ADAMTS4: variants seen among roughly 807,000 people sequenced by gnomAD.
The protein encoded by ADAMTS4 is A disintegrin and metalloproteinase with thrombospondin motifs 4.
In ADAMTS4, 38 loss-of-function variants were observed where a neutral mutation model predicts 66.7. That is an observed-to-expected ratio of 0.57 (90% CI 0.44 to 0.75). The LOEUF is 0.75. Among genes scored for constraint, ADAMTS4 ranks in the 30% least tolerant of loss-of-function variants. The pLI is 0.00. For missense variants in ADAMTS4, 1,014 were observed against 1,116.7 expected (o/e 0.91, Z 1.31); for synonymous variants, 418 against 461.5 (o/e 0.91, Z 1.21).
At chr1:161,192,367 T>A in intron 7 of ADAMTS4, 127 bp from the exon 8 acceptor site, 1 of 787,708 alleles carries the variant, frequency 1.3e-6, no homozygotes, top group Non-Finnish European at 2.0e-6. Context: ...GTAGGGGATG[T>A]AGATGGGTGA....
intron 3 of ADAMTS4, 64 bp downstream of exon 3, chr1:161,196,107 G>A (rs1664822411): frequency 6.6e-7 from 1 of 1,522,950 alleles, no homozygotes; most frequent in Non-Finnish European, 8.8e-7. Context: ...ACACTGTGGT[G>A]AACTTGCTAC....
Position 161,189,494 on chromosome 1 carries a change from C to T in ADAMTS4, c.*1644G>A, listed in dbSNP as rs1225365465. The stretch of plus-strand genomic sequence containing the variant: ...ATGTTCTTGTCAATTGTATTTGTAG[C>T]CACGTGCTTACTATGTTTCCTTCCT... On this transcript the variant is annotated 3_prime_UTR_variant, in exon 9 of 9. Transcript: ENST00000367996. 1 of 152,158 alleles carries T rather than the reference C, an allele frequency of 6.6e-6. No individual in the cohort carries two copies. Among genetic ancestry groups the T allele is most frequent in the African/African-American group, 2.4e-5 (1 of 41,422 alleles). The allele number at this position is 152,158 out of a possible 1,614,324, so 9.4% of individuals were successfully genotyped here. A position where few individuals can be genotyped will look rare whatever the true frequency, so the allele number is the denominator to read the frequency against.
chr1:161,191,531 C>A lies in ADAMTS4; in HGVS notation c.2121G>T (p.Ala707=). The A allele has an allele frequency of 1.2e-6, 2 of 1,613,368 alleles. No individual in the cohort carries two copies. The highest frequency in any genetic ancestry group is 1.7e-6 in the Non-Finnish European group (2 of 1,179,570). Residue 707 remains alanine, a synonymous_variant, in exon 9 of 9, where the codon GCG becomes GCT. Transcript: ENST00000367996. ...GCCGGACAAGAATGTGGGTGGCCCC[C>A]GCGGGGATAGTGACCACATTGTTGT... ...YGYNNVVTIP[A]GATHILVRQQ...
chr1:161,195,427 G>A (rs1664786980), intron 4 of ADAMTS4, 38 bp downstream of exon 4: 1 of 1,559,290 alleles, frequency 6.4e-7, no homozygotes, highest in South Asian at 1.2e-5. Flanking sequence ...GACAGGAATT[G>A]AGTGCTACCC....
At chr1:161,195,441 G>A in intron 4 of ADAMTS4, 24 bp downstream of exon 4, 1 of 1,581,712 alleles carries the variant, frequency 6.3e-7, no homozygotes, top group Non-Finnish European at 8.6e-7. Context: ...GCTACCCAGG[G>A]AAAGGTAAGT....
In ADAMTS4 at chr1:161,188,416, T is replaced by TC. The variant is rs1313099474; in HGVS notation, c.*2721_*2722insG. ...CGCCCGGCTAATTTTTCAATCTTTTTTTTTTTTGGTAGAGATGGAATCTTT... is the reference window on the plus strand; with the variant it reads ...CGCCCGGCTAATTTTTCAATCTTTTTCTTTTTTTGGTAGAGATGGAATCTTT... On this transcript the variant is annotated 3_prime_UTR_variant, in exon 9 of 9. Transcript: ENST00000367996. 1 of 150,750 alleles carries TC rather than the reference T, an allele frequency of 6.6e-6. No individual in the cohort carries two copies. The highest frequency in any genetic ancestry group is 2.4e-5 in the African/African-American group (1 of 40,892). The allele number at this position is 150,750 out of a possible 1,614,324, so 9.3% of individuals were successfully genotyped here. A position where few individuals can be genotyped will look rare whatever the true frequency, so the allele number is the denominator to read the frequency against.
Position 161,194,328 on chromosome 1 carries a change from A to C in ADAMTS4, c.1262-107T>G, listed in dbSNP as rs1217008683. 3 of 1,027,046 alleles carry C rather than the reference A, an allele frequency of 2.9e-6. No individual in the cohort carries two copies. Among genetic ancestry groups the C allele is most frequent in the Non-Finnish European group, 4.3e-6 (3 of 702,116 alleles). The allele number at this position is 1,027,046 out of a possible 1,614,324, so 63.6% of individuals were successfully genotyped here. A position where few individuals can be genotyped will look rare whatever the true frequency, so the allele number is the denominator to read the frequency against. On this transcript the variant is annotated intron_variant, in intron 4 of 8. Transcript: ENST00000367996. The surrounding 1 kb of genome is among the most constrained non-coding windows in gnomAD (Gnocchi z 4.1). The stretch of plus-strand genomic sequence containing the variant: ...GGGGCCTGATGGAGCCTAGAAAAAC[A>C]ATCCTAGGACTATAAGAGGATTTAA...
At chr1:161,195,335 C>A in intron 4 of ADAMTS4, 130 bp downstream of exon 4, 1 of 948,388 alleles carries the variant, frequency 1.1e-6, no homozygotes. Context: ...TTTCTCACCC[C>A]TTCCCACACT....
intron 7 of ADAMTS4, among the ~76,000 whole-genome samples, chr1:161,192,722 G>A (rs976107066): frequency 3.3e-5 from 5 of 152,152 alleles, no homozygotes; most frequent in African/African-American, 9.7e-5. Flanking sequence ...AGGTTGGGGC[G>A]AAGGGAGCAA....
rs1664541059 is a variant in ADAMTS4, at chr1:161,186,354, C to A, written c.*4784G>T. 1 of 152,240 alleles carries A rather than the reference C, an allele frequency of 6.6e-6. No individual in the cohort carries two copies. The highest frequency in any genetic ancestry group is 2.4e-5 in the African/African-American group (1 of 41,450). 9.4% of individuals were successfully genotyped at this position (152,240 alleles called of 1,614,324 possible). ...GAGACCATTCCAGAAAAGGGTCAGG[C>A]CTTGCCTGGGATTGAGGGCTGAGAT... On this transcript the variant is annotated 3_prime_UTR_variant, in exon 9 of 9. Coordinates refer to ENST00000367996, the MANE Select transcript of ADAMTS4 (RefSeq NM_005099.6).
At position 161,193,853 on chromosome 1, in the gene ADAMTS4, G is replaced by A. The variant is rs1378524222; in HGVS notation, c.1549-27C>T. The A allele has an allele frequency of 6.3e-7, 1 of 1,580,486 alleles. No homozygotes were observed. Among genetic ancestry groups the A allele is most frequent in the Admixed American group, 1.7e-5 (1 of 57,398 alleles). Reference sequence around the variant, plus strand: ...TGCAAAGGCACAGAACGGAAGTGGGGCATAAGTGAACTCTCTCCTGGGCTT... The same window carrying A: ...TGCAAAGGCACAGAACGGAAGTGGGACATAAGTGAACTCTCTCCTGGGCTT... On this transcript the variant is annotated intron_variant, in intron 5 of 8. Transcript: ENST00000367996. The surrounding 1 kb of genome is among the most constrained non-coding windows in gnomAD (Gnocchi z 4.4).
Position 161,188,883 on chromosome 1 carries a change from AATATATATATAT to A in ADAMTS4, c.*2243_*2254del, listed in dbSNP as rs71777753. 20 of 68,322 alleles carry A rather than the reference AATATATATATAT, an allele frequency of 2.9e-4. No individual in the cohort carries two copies. The highest frequency in any genetic ancestry group is 2.7e-3 in the East Asian group (3 of 1,110). The allele number at this position is 68,322 out of a possible 1,614,324, so 4.2% of individuals were successfully genotyped here. On this transcript the variant is annotated 3_prime_UTR_variant, in exon 9 of 9. Transcript: ENST00000367996. ...TAGGCACCTGTCACCATGCCCGGCTAATATATATATATATATATATATATATTTTGTATTTTT... is the reference window on the plus strand; with the variant it reads ...TAGGCACCTGTCACCATGCCCGGCTAATATATATATATATTTTGTATTTTT...
intron 7 of ADAMTS4, among the ~76,000 whole-genome samples, chr1:161,192,694 C>T (rs1664711301): frequency 6.6e-6 from 1 of 152,104 alleles, no homozygotes; most frequent in African/African-American, 2.4e-5. Context: ...AGAGGGCAGC[C>T]AGCCTGTAGA....
chr1:161,193,324 G>A lies in ADAMTS4; in HGVS notation c.1800C>T (p.Phe600=). The A allele has an allele frequency of 1.2e-6, 2 of 1,614,046 alleles. No homozygotes were observed. The highest frequency in any genetic ancestry group is 1.7e-6 in the Non-Finnish European group (2 of 1,179,990). Residue 600 remains phenylalanine, a synonymous_variant, in exon 7 of 9, where the codon TTC becomes TTT. Coordinates refer to ENST00000367996, the MANE Select transcript of ADAMTS4 (RefSeq NM_005099.6). The surrounding 1 kb of genome is among the most constrained non-coding windows in gnomAD (Gnocchi z 4.4). ...YNHRTDLFKS[F]PGPMDWVPRY... is the part of the protein sequence containing the mutation. Reference sequence around the variant, plus strand: ...GAGGAACCCAGTCCATGGGCCCTGGGAAGCTCTTGAAGAGGTCGGTGCGGT... The same window carrying A: ...GAGGAACCCAGTCCATGGGCCCTGGAAAGCTCTTGAAGAGGTCGGTGCGGT...
In ADAMTS4 at chr1:161,188,161, G is replaced by A. The variant is rs1273216285; in HGVS notation, c.*2977C>T. The A allele has an allele frequency of 6.7e-6, 1 of 149,134 alleles. No individual in the cohort carries two copies. Among genetic ancestry groups the A allele is most frequent in the Non-Finnish European group, 1.5e-5 (1 of 67,534 alleles). The allele number at this position is 149,134 out of a possible 1,614,324, so 9.2% of individuals were successfully genotyped here. ...AGTAGAGATGGGGTTTCACCATGTT[G>A]GCCTGGCTGGTTTTGAACCTCAGCC... On this transcript the variant is annotated 3_prime_UTR_variant, in exon 9 of 9. Transcript: ENST00000367996.
intron 1 of ADAMTS4, 111 bp downstream of exon 1, chr1:161,197,884 A>G: frequency 6.9e-7 from 1 of 1,453,850 alleles, no homozygotes; most frequent in South Asian, 1.4e-5. Context: ...GGCAGAAGGG[A>G]GGGAAGCAGA....
chr1:161,191,269 G>A lies in ADAMTS4; in HGVS notation c.2383C>T (p.Arg795Cys), dbSNP rs781559105. Reference protein sequence around the residue: ...VLVAGNPQDTRLRYSFFVPRP... With the variant: ...VLVAGNPQDTCLRYSFFVPRP... ...GGCACGAAGAAGCTGTATCGGAGGC[G>A]TGTGTCCTGGGGGTTGCCAGCCACT... The change falls in exon 9 of 9, where the codon CGC becomes TGC. Residue 795 changes from arginine (R) to cysteine (C), a missense_variant. Coordinates refer to ENST00000367996, the MANE Select transcript of ADAMTS4 (RefSeq NM_005099.6). 70 of 1,613,712 alleles carry A rather than the reference G, an allele frequency of 4.3e-5. No individual in the cohort carries two copies. Among genetic ancestry groups the A allele is most frequent in the Middle Eastern group, 1.6e-4 (1 of 6,082 alleles).
Position 161,193,287 on chromosome 1 carries a change from C to G in ADAMTS4, c.1837G>C (p.Val613Leu). 6.2e-7 allele frequency: 1 copy of G among 1,614,052 alleles called. No individual in the cohort carries two copies. Among genetic ancestry groups the G allele is most frequent in the Non-Finnish European group, 8.5e-7 (1 of 1,179,996 alleles). The stretch of plus-strand genomic sequence containing the variant: ...AGTTTGCACTGGTCCTGGGGGGCCA[C>G]GCCTGTGTAGCGAGGAACCCAGTCC... ...PMDWVPRYTG[V>L]APQDQCKLTC... The change falls in exon 7 of 9, where the codon GTG (valine) becomes CTG (leucine). Residue 613 changes from valine (V) to leucine (L), a missense_variant. Val to Leu is a conservative substitution (Grantham distance 32, BLOSUM62 1). Transcript: ENST00000367996. The surrounding 1 kb of genome is among the most constrained non-coding windows in gnomAD (Gnocchi z 4.4).
chr1:161,188,883 A>AATATATATATATAT lies in ADAMTS4; in HGVS notation c.*2241_*2254dup, dbSNP rs71777753. On this transcript the variant is annotated 3_prime_UTR_variant, in exon 9 of 9. Transcript: ENST00000367996. ...TAGGCACCTGTCACCATGCCCGGCT[A>AATATATATATATAT]ATATATATATATATATATATATATA... 4.3e-3 allele frequency: 294 copies of AATATATATATATAT among 68,276 alleles called. 9 individuals are homozygous for AATATATATATATAT. The highest frequency in any genetic ancestry group is 0.034 in the East Asian group (38 of 1,108). 4.2% of individuals were successfully genotyped at this position (68,276 alleles called of 1,614,324 possible).
Sources: gnomAD v4.1 joint callset for allele counts (sites outside exome capture counted in the v4.1 genomes callset) on GRCh38, gnomAD v4.1.1 for gene constraint, Gnocchi (gnomAD v3.1) non-coding constraint, MANE v1.5 for transcripts, NCBI Gene and HGNC (gene_info 2026-07-23, HGNC 2026-07-21) for gene names.